GPHN: variants seen among roughly 807,000 people sequenced by gnomAD.
GPHN encodes gephyrin.
In GPHN, 17 loss-of-function variants were observed where a neutral mutation model predicts 95.5. The observed-to-expected ratio is 0.18, with a 90% confidence interval of 0.12 to 0.27. The LOEUF (loss-of-function observed/expected upper bound fraction) is 0.27, where lower values mean the gene tolerates loss of function less well. Ranked by LOEUF, GPHN falls within the 10% of genes least tolerant of loss-of-function variation. GPHN has a pLI of 1.00. For synonymous variants in GPHN, 320 were observed against 322.5 expected, an observed-to-expected ratio of 0.99 and a Z score of 0.08; for missense variants, 660 against 978.1, an observed-to-expected ratio of 0.67 and a Z score of 4.34.
At chr14:66,943,232 C>T (rs982852571) in intron 8 of GPHN, among the ~76,000 whole-genome samples, 2 of 152,046 alleles carry the variant, frequency 1.3e-5, no homozygotes, top group Non-Finnish European at 2.9e-5. Context: ...TTTTTATAAT[C>T]TTTTACTAAA....
At chr14:66,557,237 G>GATAGA (rs1555342945) in intron 1 of GPHN, among the ~76,000 whole-genome samples, 250 of 142,000 alleles carry the variant, frequency 1.8e-3, no homozygotes, top group African/African-American at 4.6e-3. Context: ...ACATAGGTAG[G>GATAGA]TAGATAGATA....
At chr14:67,627,357 GTTATAC>G in the GPHN span, among the ~76,000 whole-genome samples, 32 of 150,712 alleles carry the variant, frequency 2.1e-4, no homozygotes, top group Non-Finnish European at 3.4e-4. Flanking sequence ...ACAACTATCT[GTTATAC>G]TTATGTAAGT....
the GPHN span, among the ~76,000 whole-genome samples, chr14:67,491,525 G>T: frequency 6.6e-6 from 1 of 152,154 alleles, no homozygotes; most frequent in Non-Finnish European, 1.5e-5. Context: ...AATAACAAAA[G>T]ACATTCCTTT....
chr14:67,427,288 C>G, the GPHN span, among the ~76,000 whole-genome samples: 1 of 152,226 alleles, frequency 6.6e-6, no homozygotes, highest in Non-Finnish European at 1.5e-5. Flanking sequence ...AGAAAAACTT[C>G]TGCCCAGTTG....
the GPHN span, among the ~76,000 whole-genome samples, chr14:67,601,358 C>G: frequency 6.6e-6 from 1 of 152,114 alleles, no homozygotes; most frequent in Non-Finnish European, 1.5e-5. Flanking sequence ...GCTGGGGAGG[C>G]AGGTAGGGGT....
At chr14:67,093,992 A>G (rs943055065) in intron 12 of GPHN, among the ~76,000 whole-genome samples, 12 of 152,096 alleles carry the variant, frequency 7.9e-5, no homozygotes, top group African/African-American at 2.7e-4. Flanking sequence ...TTCTCTATCA[A>G]CTATTTCCTA....
the GPHN span, among the ~76,000 whole-genome samples, chr14:67,362,477 G>A: frequency 2.7e-4 from 41 of 152,022 alleles, no homozygotes; most frequent in African/African-American, 9.7e-4. Context: ...ATGTTTTTAC[G>A]TATACATGTG....
At chr14:66,683,616 A>G (rs1220307778) in intron 2 of GPHN, among the ~76,000 whole-genome samples, 1 of 143,222 alleles carries the variant, frequency 7.0e-6, no homozygotes, top group East Asian at 2.0e-4. Flanking sequence ...TGGTCCTACA[A>G]GGAGTTGAAT....
intron 4 of GPHN, among the ~76,000 whole-genome samples, chr14:66,874,839 G>A (rs111766463): frequency 0.015 from 2,300 of 152,220 alleles, 32 homozygotes; most frequent in Non-Finnish European, 0.018. Flanking sequence ...ACTCTTCAGG[G>A]TATTATCCAA....
At chr14:66,534,458 A>G (rs974373344) in intron 1 of GPHN, among the ~76,000 whole-genome samples, 1 of 152,076 alleles carries the variant, frequency 6.6e-6, no homozygotes, top group African/African-American at 2.4e-5. Flanking sequence ...TTTTATTGCT[A>G]TGTAGTGTTT....
chr14:66,767,701 C>A (rs2059015991), intron 2 of GPHN, among the ~76,000 whole-genome samples: 1 of 151,846 alleles, frequency 6.6e-6, no homozygotes, highest in Non-Finnish European at 1.5e-5. Context: ...GATGTGTGAG[C>A]CAGCTACAAA....
chr14:66,916,621 T>C (rs1003709105), intron 6 of GPHN, among the ~76,000 whole-genome samples: 2 of 151,998 alleles, frequency 1.3e-5, no homozygotes, highest in African/African-American at 4.8e-5. Flanking sequence ...TCCAGTATGT[T>C]CCAGAACTGA....
chr14:67,646,465 C>T, the GPHN span: 5 of 574,722 alleles, frequency 8.7e-6, no homozygotes, highest in Non-Finnish European at 1.6e-5. Context: ...AGCTGCCCTT[C>T]TGAAACATTT....
intron 2 of GPHN, among the ~76,000 whole-genome samples, chr14:66,748,978 T>C (rs2058265433): frequency 6.6e-6 from 1 of 151,916 alleles, no homozygotes; most frequent in South Asian, 2.1e-4. Flanking sequence ...GTAGTTCCAC[T>C]GCCCTAAAAA....
chr14:67,539,115 T>C, the GPHN span, among the ~76,000 whole-genome samples: 1 of 152,214 alleles, frequency 6.6e-6, no homozygotes, highest in Non-Finnish European at 1.5e-5. Context: ...TCCCAGGTCC[T>C]AGTCTCAGAT....
At chr14:67,369,641 A>C in the GPHN span, among the ~76,000 whole-genome samples, 1 of 152,244 alleles carries the variant, frequency 6.6e-6, no homozygotes, top group African/African-American at 2.4e-5. Context: ...TCACACTGGA[A>C]GTAATTTTGA....
chr14:67,720,677 T>G, the GPHN span: 1 of 152,264 alleles, frequency 6.6e-6, no homozygotes, highest in Admixed American at 6.5e-5. Flanking sequence ...TTGATTTGTC[T>G]GCCTATTCAC....
At chr14:66,738,141 A>T (rs1697823645) in intron 2 of GPHN, among the ~76,000 whole-genome samples, 1 of 152,226 alleles carries the variant, frequency 6.6e-6, no homozygotes, top group Non-Finnish European at 1.5e-5. Context: ...ACATTGGAGC[A>T]GTAGTAGTGA....
the GPHN span, among the ~76,000 whole-genome samples, chr14:67,549,457 G>A: frequency 1.3e-5 from 2 of 152,188 alleles, no homozygotes; most frequent in South Asian, 2.1e-4. Context: ...TTTTAGTAGC[G>A]ACGGGGTTTC....
Sources: gnomAD v4.1 joint callset for allele counts (sites outside exome capture counted in the v4.1 genomes callset) on GRCh38, gnomAD v4.1.1 for gene constraint, MANE v1.5 for transcripts, NCBI Gene and HGNC (gene_info 2026-07-23, HGNC 2026-07-21) for gene names.